Variants in UBR1 observed in about 807,000 individuals in gnomAD.
UBR1 encodes E3 ubiquitin-protein ligase UBR1.
Under a neutral mutation model 242.1 loss-of-function variants are expected in UBR1, and 102 were observed. The observed-to-expected ratio is 0.42, with a 90% CI of 0.36 to 0.50. UBR1 has a LOEUF of 0.50. Ranked by LOEUF, UBR1 falls within the 20% of genes least tolerant of loss-of-function variation. UBR1 has a pLI of 0.01. For synonymous variants in UBR1, 675 were observed against 684.8 expected (o/e 0.99, Z 0.22); for missense variants, 1,772 against 2,101.8 (o/e 0.84, Z 3.07).
At chr15:43,102,007 G>C (rs1043139598) in intron 1 of UBR1, among the ~76,000 whole-genome samples, 1 of 150,182 alleles carries the variant, frequency 6.7e-6, no homozygotes, top group East Asian at 1.9e-4. Flanking sequence ...AGGCATGGTG[G>C]TGCATGCCTG....
rs1198979097 is a variant in UBR1, at chr15:43,056,206, T to G, written c.1281+138A>C. 4.3e-6 allele frequency: 3 copies of G among 699,366 alleles called. No individual in the cohort carries two copies. The East Asian group carries it at 7.8e-5, about 18-fold the overall frequency. The allele number at this position is 699,366 out of a possible 1,614,324, so 43.3% of individuals were successfully genotyped here. A position where few individuals can be genotyped will look rare whatever the true frequency, so the allele number is the denominator to read the frequency against. On this transcript the variant is annotated intron_variant, in intron 11 of 46. Transcript: ENST00000290650. ...AGGCAGCGCCTAGTTAACTAGTCCT[T>G]GGGTAGCACTAAAGTATTCACATAG...
At chr15:43,071,169 T>C (rs1459573820) in intron 4 of UBR1, among the ~76,000 whole-genome samples, 2 of 152,210 alleles carry the variant, frequency 1.3e-5, no homozygotes, top group African/African-American at 4.8e-5. Flanking sequence ...CCATTAGTGA[T>C]ATACTCTCTT....
At chr15:43,013,745 C>G (rs1231990599) in intron 29 of UBR1, among the ~76,000 whole-genome samples, 1 of 152,196 alleles carries the variant, frequency 6.6e-6, no homozygotes, top group Non-Finnish European at 1.5e-5. Flanking sequence ...AGTCTTCACT[C>G]TGACCTTTCT....
At chr15:43,038,149 A>G (rs1264040024) in intron 16 of UBR1, 22 bp downstream of exon 16, 1 of 1,612,574 alleles carries the variant, frequency 6.2e-7, no homozygotes, top group Non-Finnish European at 8.5e-7. Flanking sequence ...TAAGCAAATC[A>G]ATACTTAGTA....
chr15:42,959,953 C>T (rs1341993836), intron 43 of UBR1, among the ~76,000 whole-genome samples: 2 of 152,140 alleles, frequency 1.3e-5, no homozygotes, highest in African/African-American at 2.4e-5. Context: ...TCAATTCCTC[C>T]ACTTGTTTAT....
At chr15:42,947,147 G>GA (rs2031751839) in intron 46 of UBR1, among the ~76,000 whole-genome samples, 3 of 150,704 alleles carry the variant, frequency 2.0e-5, no homozygotes, top group South Asian at 2.1e-4. Flanking sequence ...AAAAAACAAA[G>GA]AAAAAAAAAG....
intron 4 of UBR1, among the ~76,000 whole-genome samples, chr15:43,073,406 G>A (rs1462088911): frequency 2.6e-5 from 4 of 151,980 alleles, no homozygotes; most frequent in Non-Finnish European, 5.9e-5. Context: ...TTTCCTTATG[G>A]TTGACAAAAT....
chr15:43,042,645 T>C (rs554925998), intron 15 of UBR1, among the ~76,000 whole-genome samples: 1 of 152,280 alleles, frequency 6.6e-6, no homozygotes, highest in Non-Finnish European at 1.5e-5. Flanking sequence ...GTGATGGTTG[T>C]AGAAAATGTG....
intron 6 of UBR1, among the ~76,000 whole-genome samples, chr15:43,064,830 A>T (rs993728454): frequency 6.6e-6 from 1 of 152,090 alleles, no homozygotes; most frequent in Non-Finnish European, 1.5e-5. Context: ...TCAGCCTCCC[A>T]AAGTGCTGGA....
chr15:43,091,770 A>T (rs1385736769), intron 1 of UBR1, among the ~76,000 whole-genome samples: 2 of 151,844 alleles, frequency 1.3e-5, no homozygotes, highest in Non-Finnish European at 2.9e-5. Context: ...CGTCTCTACT[A>T]AAAATACAAA....
chr15:43,014,093 G>A (rs1393402118), intron 29 of UBR1, among the ~76,000 whole-genome samples: 3 of 152,250 alleles, frequency 2.0e-5, no homozygotes, highest in Admixed American at 1.3e-4. Context: ...TGTGTTGGCC[G>A]GGCTGGTCTC....
At chr15:43,022,569 A>G in intron 26 of UBR1, 133 bp downstream of exon 26, 1 of 545,252 alleles carries the variant, frequency 1.8e-6, no homozygotes. Context: ...AAATTATTTC[A>G]GGGTTACCTA....
intron 5 of UBR1, among the ~76,000 whole-genome samples, chr15:43,069,290 T>C (rs1047271656): frequency 1.3e-5 from 2 of 152,070 alleles, no homozygotes; most frequent in African/African-American, 4.8e-5. Context: ...TATTTTTTTT[T>C]TTTTTTGAGA....
intron 43 of UBR1, among the ~76,000 whole-genome samples, chr15:42,958,484 A>G (rs2031959572): frequency 6.6e-6 from 1 of 152,204 alleles, no homozygotes; most frequent in African/African-American, 2.4e-5. Flanking sequence ...TAGGGATAAA[A>G]TATACCATAC....
At chr15:43,059,004 A>C (rs2033650519) in intron 9 of UBR1, 81 bp downstream of exon 9, 2 of 1,093,220 alleles carry the variant, frequency 1.8e-6, no homozygotes, top group Middle Eastern at 2.3e-4. Flanking sequence ...AATTTAATAA[A>C]CAAAAGATAT....
chr15:43,053,887 C>T (rs972233560), intron 12 of UBR1, among the ~76,000 whole-genome samples: 18 of 148,122 alleles, frequency 1.2e-4, no homozygotes, highest in East Asian at 9.9e-4. Flanking sequence ...AGTGCAGTGG[C>T]GCAATCTTTG....
chr15:42,961,112 C>CTT (rs1308464766), intron 42 of UBR1, among the ~76,000 whole-genome samples: 9 of 141,260 alleles, frequency 6.4e-5, no homozygotes, highest in African/African-American at 1.6e-4. Flanking sequence ...TATGTTCCCC[C>CTT]TTTTTTTTTT....
At chr15:43,053,827 A>ATTT (rs752733899) in intron 12 of UBR1, among the ~76,000 whole-genome samples, 4 of 132,100 alleles carry the variant, frequency 3.0e-5, no homozygotes, top group African/African-American at 5.6e-5. Flanking sequence ...TACAGACGCA[A>ATTT]TTTTTTTTTT....
intron 12 of UBR1, among the ~76,000 whole-genome samples, chr15:43,052,890 G>A (rs557136145): frequency 6.6e-5 from 10 of 152,140 alleles, no homozygotes; most frequent in East Asian, 5.8e-4. Context: ...ACAGATAAAC[G>A]GTGTTTATAA....
Sources: gnomAD v4.1 joint callset for allele counts (sites outside exome capture counted in the v4.1 genomes callset) on GRCh38, gnomAD v4.1.1 for gene constraint, MANE v1.5 for transcripts, NCBI Gene and HGNC (gene_info 2026-07-23, HGNC 2026-07-21) for gene names.